The following MIR2052HG variants were observed in gnomAD, a reference collection of about 807,000 sequenced individuals.
The protein encoded by MIR2052HG is MIR2052 host gene.
chr8:74,703,706 G>A (rs1809380042), intron 4 of MIR2052HG: 1 of 444,982 alleles, frequency 2.2e-6, no homozygotes, highest in South Asian at 1.6e-5. Context: ...CTGCTATGCT[G>A]TGGGATCTGG....
intron 1 of MIR2052HG, among the ~76,000 whole-genome samples, chr8:74,609,385 A>G (rs919487713): frequency 4.1e-4 from 62 of 152,048 alleles, no homozygotes; most frequent in African/African-American, 1.5e-3. Context: ...AAATAAAGCC[A>G]ATGCTATACA....
At chr8:74,647,706 G>A (rs1042030252) in intron 2 of MIR2052HG, among the ~76,000 whole-genome samples, 1 of 152,174 alleles carries the variant, frequency 6.6e-6, no homozygotes, top group African/African-American at 2.4e-5. Context: ...CCAGAATGGA[G>A]GGACCGGCTG....
At chr8:74,655,218 A>C (rs1808792326) in intron 2 of MIR2052HG, among the ~76,000 whole-genome samples, 1 of 152,178 alleles carries the variant, frequency 6.6e-6, no homozygotes, top group South Asian at 2.1e-4. Flanking sequence ...CTGATGATGC[A>C]ATAGAAAAGA....
intron 4 of MIR2052HG, among the ~76,000 whole-genome samples, chr8:74,709,695 T>A (rs1168581178): frequency 6.6e-6 from 1 of 152,182 alleles, no homozygotes; most frequent in Non-Finnish European, 1.5e-5. Context: ...TTTTTGTGTG[T>A]GTCACACATT....
chr8:74,605,524 A>T (rs560940538), intron 1 of MIR2052HG, among the ~76,000 whole-genome samples: 1 of 152,348 alleles, frequency 6.6e-6, no homozygotes, highest in African/African-American at 2.4e-5. Context: ...CACAAATTTT[A>T]TAAGGAAATC....
chr8:74,745,179 C>T (rs1809871364), intron 4 of MIR2052HG, among the ~76,000 whole-genome samples: 1 of 152,054 alleles, frequency 6.6e-6, no homozygotes. Context: ...GGGAGGATCC[C>T]TTGAGCCCAG....
In MIR2052HG at chr8:74,756,025, G is replaced by C. The variant is rs138122744; in HGVS notation, n.465-2086G>C. On this transcript the variant is annotated intron_variant and non_coding_transcript_variant, in intron 5 of 6. Transcript: ENST00000523442. Reference sequence around the variant, plus strand: ...CTTCAGACACCAGCAGCACTGAGGTGGGGGGTCTCCAGACCACCTGCACTC... The same window carrying C: ...CTTCAGACACCAGCAGCACTGAGGTCGGGGGTCTCCAGACCACCTGCACTC... 1.6e-3 allele frequency among the ~76,000 whole-genome samples: 251 copies of C among 152,234 alleles called. 1 individual carries two copies. The highest frequency in any genetic ancestry group is 2.0e-3 in the Non-Finnish European group (135 of 68,012).
chr8:74,752,302 A>G (rs999547986), intron 4 of MIR2052HG: 7 of 279,830 alleles, frequency 2.5e-5, no homozygotes, highest in South Asian at 2.1e-4. Flanking sequence ...AAAAAAAAAA[A>G]GTATAGGATT....
chr8:74,643,958 T>C (rs1232184566), intron 2 of MIR2052HG, among the ~76,000 whole-genome samples: 1 of 152,322 alleles, frequency 6.6e-6, no homozygotes, highest in Middle Eastern at 3.4e-3. Context: ...GGGGATTGCT[T>C]GGTGGTAAGC....
At chr8:74,641,992 G>A (rs761673123) in intron 2 of MIR2052HG, among the ~76,000 whole-genome samples, 20 of 152,204 alleles carry the variant, frequency 1.3e-4, no homozygotes, top group South Asian at 4.1e-4. Context: ...GGCAGAAAAC[G>A]TAGCAGTGGT....
chr8:74,703,550 C>A (rs1192588909), intron 3 of MIR2052HG: 2 of 401,380 alleles, frequency 5.0e-6, no homozygotes, highest in East Asian at 1.6e-4. Flanking sequence ...TGTGACCCAT[C>A]CCCCTTCATG....
At chr8:74,739,496 G>C (rs1809804414) in intron 4 of MIR2052HG, among the ~76,000 whole-genome samples, 1 of 152,002 alleles carries the variant, frequency 6.6e-6, no homozygotes, top group African/African-American at 2.4e-5. Context: ...CATTTGCTTT[G>C]GAACAAATAC....
chr8:74,716,690 A>G (rs562548832), intron 4 of MIR2052HG, among the ~76,000 whole-genome samples: 12 of 152,148 alleles, frequency 7.9e-5, no homozygotes, highest in Non-Finnish European at 1.2e-4. Flanking sequence ...AGCCCAGGCA[A>G]CAGAACAAGA....
At chr8:74,604,268 G>C (rs1808073523) in intron 1 of MIR2052HG, 3 of 834,514 alleles carry the variant, frequency 3.6e-6, no homozygotes, top group Non-Finnish European at 6.2e-6. Flanking sequence ...CTGGGGAGCT[G>C]GACTTTGAGT....
chr8:74,613,076 G>C, intron 2 of MIR2052HG: 1 of 338,962 alleles, frequency 3.0e-6, no homozygotes, highest in Non-Finnish European at 5.9e-6. Flanking sequence ...AGAGGCCACG[G>C]CTACAGTTTT....
intron 2 of MIR2052HG, among the ~76,000 whole-genome samples, chr8:74,685,008 T>G (rs1809165034): frequency 6.6e-6 from 1 of 152,098 alleles, no homozygotes; most frequent in Non-Finnish European, 1.5e-5. Context: ...TTCAGCAACT[T>G]GCTTAGATTA....
At chr8:74,690,889 G>A (rs918687845) in intron 2 of MIR2052HG, among the ~76,000 whole-genome samples, 1 of 151,826 alleles carries the variant, frequency 6.6e-6, no homozygotes, top group African/African-American at 2.4e-5. Context: ...CAAAGCACGG[G>A]GAATCTGGGG....
At chr8:74,602,876 T>TCTTTCTTTTC (rs1554570015) in intron 1 of MIR2052HG, among the ~76,000 whole-genome samples, 15 of 137,126 alleles carry the variant, frequency 1.1e-4, no homozygotes, top group Non-Finnish European at 2.0e-4. Context: ...TTTCTTTCTT[T>TCTTTCTTTTC]TTTCTATTCA....
intron 1 of MIR2052HG, among the ~76,000 whole-genome samples, chr8:74,602,817 GTTTCTTTCTTTCTTTCTTTC>G (rs58455200): frequency 1.9e-4 from 14 of 73,850 alleles, no homozygotes; most frequent in Admixed American, 9.5e-4. Context: ...GCCCGGCCGT[GTTTCTTTCTTTCTTTCTTTC>G]TTTCTTTCTT....
Sources: allele counts gnomAD v4.1 joint callset (sites outside exome capture counted in the v4.1 genomes callset), GRCh38; gene constraint gnomAD v4.1.1; transcripts MANE v1.5; gene names NCBI Gene and HGNC (gene_info 2026-07-23, HGNC 2026-07-21).